Variants in CFTR observed in about 807,000 individuals in gnomAD.
CFTR encodes the protein CF transmembrane conductance regulator, also known as cystic fibrosis transmembrane conductance regulator.
CFTR carries 181 observed loss-of-function variants against 171.6 expected under a neutral mutation model. The ratio of observed to expected loss-of-function variants is 1.05; its 90% CI spans 0.93 to 1.19. The LOEUF is 1.19. CFTR is among the 50% of genes most tolerant of loss of function. CFTR has a pLI of 0.00. For synonymous variants in CFTR, 583 were observed against 608.0 expected, an observed-to-expected ratio of 0.96 and a Z score of 0.60; for missense variants, 1,968 against 1,734.7, an observed-to-expected ratio of 1.13 and a Z score of -2.39.
In CFTR at chr7:117,595,011, A is replaced by G; in HGVS notation, c.2572A>G (p.Ser858Gly). 6.2e-7 allele frequency: 1 copy of G among 1,613,032 alleles called. No individual in the cohort carries two copies. Among genetic ancestry groups the G allele is most frequent in the Non-Finnish European group, 8.5e-7 (1 of 1,179,450 alleles). The stretch of plus-strand genomic sequence containing the variant: ...CCTTCGATATATTACTGTCCACAAG[A>G]GCTTAATTTTTGTGCTAATTTGGTG... ...TYLRYITVHKSLIFVLIWCLV... is the reference protein window; with the variant it reads ...TYLRYITVHKGLIFVLIWCLV... Residue 858 changes from serine to glycine, a missense_variant, in exon 15 of 27, where the codon AGC (serine) becomes GGC (glycine). Ser to Gly is a moderately conservative substitution (Grantham distance 56). Transcript: ENST00000003084.
chr7:117,601,179 G>C (rs1695755761), intron 15 of CFTR, among the ~76,000 whole-genome samples: 2 of 152,058 alleles, frequency 1.3e-5, no homozygotes, highest in Non-Finnish European at 2.9e-5. Context: ...CAAATAAAGA[G>C]TGACTTAGAA....
chr7:117,511,162 A>C (rs35604119), intron 3 of CFTR, among the ~76,000 whole-genome samples: 5,799 of 152,194 alleles, frequency 0.038, 155 homozygotes, highest in African/African-American at 0.048. Context: ...CAGGCTACAG[A>C]GCTTGAAGGC....
rs182418026 is a variant in CFTR, at chr7:117,602,069, G to A, written c.2620-757G>A. ...TTTTTTAAGACAATCTCACTCTGTCGTCCAGTCTGGAGTGCAGCAGTGGTG... is the reference window on the plus strand; with the variant it reads ...TTTTTTAAGACAATCTCACTCTGTCATCCAGTCTGGAGTGCAGCAGTGGTG... On this transcript the variant is annotated intron_variant, in intron 15 of 26. Coordinates refer to ENST00000003084, the MANE Select transcript of CFTR (RefSeq NM_000492.4). 4.6e-3 allele frequency among the ~76,000 whole-genome samples: 700 copies of A among 151,984 alleles called. 7 individuals are homozygous for A. The highest frequency in any genetic ancestry group is 0.014 in the African/African-American group (578 of 41,438).
chr7:117,666,254 A>G (rs1286221904), intron 26 of CFTR, among the ~76,000 whole-genome samples: 5 of 152,138 alleles, frequency 3.3e-5, no homozygotes, highest in Non-Finnish European at 7.3e-5. Flanking sequence ...CAAATTCCCT[A>G]TGGTTTAGTC....
intron 15 of CFTR, among the ~76,000 whole-genome samples, chr7:117,598,618 G>T (rs1182116129): frequency 6.6e-6 from 1 of 152,134 alleles, no homozygotes; most frequent in East Asian, 1.9e-4. Flanking sequence ...TAAACCATTT[G>T]TTTCCATTTG....
chr7:117,584,501 T>G (rs1791899658), intron 11 of CFTR, among the ~76,000 whole-genome samples: 2 of 152,198 alleles, frequency 1.3e-5, no homozygotes, highest in South Asian at 4.1e-4. Flanking sequence ...GCTTTATTTC[T>G]GGGTTCTCTA....
chr7:117,664,626 G>A (rs1793337891), intron 24 of CFTR, 62 bp from the exon 25 acceptor site: 2 of 1,467,768 alleles, frequency 1.4e-6, no homozygotes, highest in Non-Finnish European at 1.9e-6. Flanking sequence ...TTTATTTTTA[G>A]AATGTCAACT....
chr7:117,496,109 G>T (rs1045559873), intron 1 of CFTR, among the ~76,000 whole-genome samples: 1 of 152,022 alleles, frequency 6.6e-6, no homozygotes, highest in Non-Finnish European at 1.5e-5. Flanking sequence ...GAAATTTTAT[G>T]TAAATAGAAC....
At chr7:117,610,439 GAAAT>G (rs1792364441) in intron 18 of CFTR, 76 bp from the exon 19 acceptor site, 7 of 1,089,452 alleles carry the variant, frequency 6.4e-6, no homozygotes, top group South Asian at 1.5e-5. Flanking sequence ...AAAAAAAAAA[GAAAT>G]AAATCACTGA....
chr7:117,651,458 T>C (rs988148609), intron 23 of CFTR, among the ~76,000 whole-genome samples: 1 of 152,196 alleles, frequency 6.6e-6, no homozygotes, highest in Non-Finnish European at 1.5e-5. Flanking sequence ...ATAATGACCT[T>C]TGTCTACTCT....
intron 3 of CFTR, among the ~76,000 whole-genome samples, chr7:117,521,860 G>A (rs746796998): frequency 2.0e-5 from 3 of 151,908 alleles, no homozygotes; most frequent in Non-Finnish European, 2.9e-5. Flanking sequence ...TTTCCTTCAT[G>A]GTTTGAATAT....
In CFTR at chr7:117,481,095, G is replaced by A. The variant is rs565977549; in HGVS notation, c.53+948G>A. Reference sequence around the variant, plus strand: ...AATATGTTATAAATAGCTCATATATGTGTGTAGGGGGGAAGGAATTTAGCT... The same window carrying A: ...AATATGTTATAAATAGCTCATATATATGTGTAGGGGGGAAGGAATTTAGCT... On this transcript the variant is annotated intron_variant, in intron 1 of 26. Coordinates refer to ENST00000003084, the MANE Select transcript of CFTR (RefSeq NM_000492.4). Among the ~76,000 whole-genome samples, 17 of 152,340 alleles carry A rather than the reference G, an allele frequency of 1.1e-4. No homozygotes were observed. The East Asian group carries it at 2.7e-3, about 24-fold the overall frequency.
chr7:117,537,428 C>CG (rs1300864061), intron 7 of CFTR, among the ~76,000 whole-genome samples: 7 of 152,172 alleles, frequency 4.6e-5, no homozygotes, highest in Non-Finnish European at 8.8e-5. Flanking sequence ...CCATGTTCTA[C>CG]AAACTTCAAT....
rs147609445 is a variant in CFTR, at chr7:117,571,986, C to CTT, written c.1584+12337_1584+12338dup. 1.1e-4 allele frequency among the ~76,000 whole-genome samples: 17 copies of CTT among 151,676 alleles called. No homozygotes were observed. In the South Asian group the frequency reaches 3.5e-3, roughly 32 times the overall value. The stretch of plus-strand genomic sequence containing the variant: ...CAGTTCCTATCAGTGAAGGAAAAAC[C>CTT]TTTTTTTATTATTTTATTGTTTTTT... On this transcript the variant is annotated intron_variant, in intron 11 of 26. Coordinates refer to ENST00000003084, the MANE Select transcript of CFTR (RefSeq NM_000492.4).
chr7:117,664,514 G>A (rs1321088947), intron 24 of CFTR, among the ~76,000 whole-genome samples, 174 bp from the exon 25 acceptor site: 1 of 152,228 alleles, frequency 6.6e-6, no homozygotes, highest in Non-Finnish European at 1.5e-5. Flanking sequence ...CTTTTGAGCT[G>A]TCAAGGTTGT....
At position 117,600,711 on chromosome 7, in the gene CFTR, G is replaced by A. The variant is rs145011044; in HGVS notation, c.2620-2115G>A. Among the ~76,000 whole-genome samples, 8 of 152,102 alleles carry A rather than the reference G, an allele frequency of 5.3e-5. No homozygotes were observed. In the East Asian group the frequency reaches 1.2e-3, roughly 22 times the overall value. The stretch of plus-strand genomic sequence containing the variant: ...GGGTATTAAGCACACTGTTTTCTAT[G>A]TGGTATGGAATGATTCTTAAAGCCC... On this transcript the variant is annotated intron_variant, in intron 15 of 26. Transcript: ENST00000003084.
At chr7:117,558,583 A>T (rs1562898065) in intron 10 of CFTR, among the ~76,000 whole-genome samples, 1 of 151,394 alleles carries the variant, frequency 6.6e-6, no homozygotes, top group Non-Finnish European at 1.5e-5. Context: ...ATAAATAAAT[A>T]AATAAAATCA....
chr7:117,611,597 C>G lies in CFTR; in HGVS notation c.3156C>G (p.Phe1052Leu). ...ATTTCACAGGCAGGAGTCCAATTTT[C>G]ACTCATCTTGTTACAAGCTTAAAAG... is the stretch of plus-strand genomic sequence containing the variant. ...QLESEGRSPI[F>L]THLVTSLKGL... The change falls in exon 20 of 27, where the codon TTC becomes TTG. Residue 1052 changes from phenylalanine (F) to leucine (L), a missense_variant. Phe to Leu is a conservative substitution (Grantham distance 22). Transcript: ENST00000003084. 1 of 1,609,278 alleles carries G rather than the reference C, an allele frequency of 6.2e-7. No individual in the cohort carries two copies. The highest frequency in any genetic ancestry group is 2.2e-5 in the East Asian group (1 of 44,812).
intron 24 of CFTR, among the ~76,000 whole-genome samples, chr7:117,654,226 A>G (rs1350629512): frequency 1.3e-5 from 2 of 152,158 alleles, no homozygotes; most frequent in African/African-American, 4.8e-5. Flanking sequence ...CCCAGCCTTC[A>G]TAGCTCCACT....
Sources: allele counts gnomAD v4.1 joint callset (sites outside exome capture counted in the v4.1 genomes callset), GRCh38; gene constraint gnomAD v4.1.1; transcripts MANE v1.5; gene names NCBI Gene and HGNC (gene_info 2026-07-23, HGNC 2026-07-21).